The following TBXAS1 variants were observed in gnomAD, a reference collection of about 807,000 sequenced individuals.
The protein encoded by TBXAS1 is thromboxane A synthase 1.
A neutral mutation model predicts 60.7 loss-of-function variants in TBXAS1; 48 were observed. That is an observed-to-expected ratio of 0.79 (90% CI 0.63 to 1.01). TBXAS1 has a LOEUF of 1.01. Ranked by LOEUF, TBXAS1 falls within the 50% of genes least tolerant of loss-of-function variation. The probability of loss-of-function intolerance (pLI) is 0.00; values close to 1 mark genes in which losing one functional copy is unlikely to be tolerated. For synonymous variants in TBXAS1, 287 were observed against 269.7 expected (o/e 1.06, Z -0.63); for missense variants, 685 against 686.3 (o/e 1.00, Z 0.02).
chr7:139,882,928 T>G (rs1184890335), intron 3 of TBXAS1, among the ~76,000 whole-genome samples: 1 of 152,224 alleles, frequency 6.6e-6, no homozygotes, highest in Non-Finnish European at 1.5e-5. Flanking sequence ...AGCTTAATCA[T>G]GAACACTAAG....
At chr7:139,784,011 G>GTTTTTTT (rs11340240) in intron 3 of TBXAS1, among the ~76,000 whole-genome samples, 1 of 132,068 alleles carries the variant, frequency 7.6e-6, no homozygotes. Flanking sequence ...AGTTTTTTTT[G>GTTTTTTT]TTTTTTTTTT....
At chr7:139,844,700 T>C (rs1030446363) in intron 1 of TBXAS1, among the ~76,000 whole-genome samples, 8 of 151,800 alleles carry the variant, frequency 5.3e-5, no homozygotes, top group African/African-American at 9.7e-5. Flanking sequence ...GAAGAGGGAG[T>C]GTAGTCAGTT....
intron 4 of TBXAS1, among the ~76,000 whole-genome samples, chr7:139,919,463 G>T (rs1481339620): frequency 6.6e-6 from 1 of 152,162 alleles, no homozygotes. Context: ...GCCTTGTGTG[G>T]CTGTTTCAGA....
At chr7:139,870,055 C>A (rs1025787455) in intron 1 of TBXAS1, among the ~76,000 whole-genome samples, 5 of 152,174 alleles carry the variant, frequency 3.3e-5, no homozygotes, top group African/African-American at 1.2e-4. Context: ...GCTGAAGATG[C>A]TCAAGTTCCA....
At chr7:139,809,349 TAGATAGATAGATAGATAGAC>T (rs1401689305) in intron 4 of TBXAS1, among the ~76,000 whole-genome samples, 11 of 151,546 alleles carry the variant, frequency 7.3e-5, no homozygotes, top group African/African-American at 2.7e-4. Context: ...GATAGATAGA[TAGATAGATAGATAGATAGAC>T]AGACAGAACC....
At position 139,955,850 on chromosome 7, in the gene TBXAS1, C is replaced by T. The variant is rs538632302; in HGVS notation, c.688+243C>T. Among the ~76,000 whole-genome samples the T allele has an allele frequency of 2.2e-4, 33 of 152,234 alleles. 1 individual carries two copies. Among genetic ancestry groups the T allele is most frequent in the Non-Finnish European group, 8.8e-5 (6 of 68,034 alleles). On this transcript the variant is annotated intron_variant, in intron 7 of 12. Transcript: ENST00000448866. The stretch of plus-strand genomic sequence containing the variant: ...AGTGGCCCCACCGCCATGGTGAGAA[C>T]GGTTGGGACGCACCGTGTTAGGCAC...
intron 10 of TBXAS1, among the ~76,000 whole-genome samples, chr7:140,007,500 C>T (rs1369056798): frequency 1.3e-5 from 2 of 152,132 alleles, no homozygotes; most frequent in Non-Finnish European, 2.9e-5. Context: ...TTCATTCATT[C>T]GTTCATTCAT....
chr7:139,843,781 C>T (rs995723947), intron 1 of TBXAS1, among the ~76,000 whole-genome samples: 2 of 152,136 alleles, frequency 1.3e-5, no homozygotes, highest in African/African-American at 2.4e-5. Context: ...CATGATTATG[C>T]CTCTGGTAAC....
chr7:139,938,007 T>G (rs1285612149), intron 5 of TBXAS1, among the ~76,000 whole-genome samples: 1 of 152,144 alleles, frequency 6.6e-6, no homozygotes, highest in African/African-American at 2.4e-5. Context: ...AAAGAGGTTT[T>G]AGGCAAAGGA....
intron 1 of TBXAS1, among the ~76,000 whole-genome samples, chr7:139,856,648 T>C (rs1193497450): frequency 6.6e-6 from 1 of 152,172 alleles, no homozygotes; most frequent in Non-Finnish European, 1.5e-5. Flanking sequence ...GCATGCGCAA[T>C]TGAGCGTCAT....
intron 6 of TBXAS1, among the ~76,000 whole-genome samples, chr7:139,954,541 TAA>T (rs1338765807): frequency 6.6e-6 from 1 of 152,240 alleles, no homozygotes; most frequent in Non-Finnish European, 1.5e-5. Flanking sequence ...TCCTTAATGA[TAA>T]GTTAGTGGTT....
intron 1 of TBXAS1, among the ~76,000 whole-genome samples, chr7:139,780,159 C>T (rs78105400): frequency 9.3e-4 from 142 of 152,324 alleles, no homozygotes; most frequent in African/African-American, 3.3e-3. Context: ...TCTCCTTTTG[C>T]ATCTGTAAAT....
chr7:139,911,387 C>A (rs1306157948), intron 4 of TBXAS1, 66 bp downstream of exon 4: 3 of 1,378,088 alleles, frequency 2.2e-6, no homozygotes, highest in Non-Finnish European at 2.1e-6. Context: ...CACTGCATGT[C>A]AGATCCAATG....
chr7:139,928,124 GT>G (rs1280261136), intron 4 of TBXAS1, among the ~76,000 whole-genome samples: 8 of 152,142 alleles, frequency 5.3e-5, no homozygotes, highest in African/African-American at 1.9e-4. Context: ...AACTGCAGGT[GT>G]TTTTGTAAAT....
intron 9 of TBXAS1, among the ~76,000 whole-genome samples, chr7:139,976,029 T>G (rs1003344220): frequency 1.3e-5 from 2 of 152,242 alleles, no homozygotes; most frequent in Non-Finnish European, 2.9e-5. Flanking sequence ...ATTCCAGGCT[T>G]TCTCTTTGGG....
At chr7:139,948,656 T>C (rs1808946463) in intron 5 of TBXAS1, among the ~76,000 whole-genome samples, 1 of 152,228 alleles carries the variant, frequency 6.6e-6, no homozygotes, top group East Asian at 1.9e-4. Flanking sequence ...ACCGAATGCA[T>C]CTTTTAGTAA....
intron 1 of TBXAS1, among the ~76,000 whole-genome samples, chr7:139,842,714 C>T (rs1799535914): frequency 6.6e-6 from 1 of 152,194 alleles, no homozygotes; most frequent in African/African-American, 2.4e-5. Flanking sequence ...CTGGAGCCCT[C>T]GACTCTCTCT....
In TBXAS1 at chr7:139,911,281, AG is replaced by A; in HGVS notation, c.295del (p.Val99CysfsTer22). The A allele has an allele frequency of 6.2e-7, 1 of 1,614,194 alleles. No homozygotes were observed. The highest frequency in any genetic ancestry group is 8.5e-7 in the Non-Finnish European group (1 of 1,180,036). ...IVISEPDMIK[Q>X]VLVENFSNFT... is the part of the protein sequence containing the mutation. ...ATTTCTGAGCCAGACATGATCAAGCAGGTGTTGGTTGAGAACTTCAGTAACT... is the reference window on the plus strand; with the variant it reads ...ATTTCTGAGCCAGACATGATCAAGCAGTGTTGGTTGAGAACTTCAGTAACT... On this transcript the variant is annotated frameshift_variant, in exon 4 of 13. Coordinates refer to ENST00000448866, the MANE Select transcript of TBXAS1 (RefSeq NM_001061.7). LOFTEE classifies it high-confidence loss of function.
intron 1 of TBXAS1, among the ~76,000 whole-genome samples, chr7:139,851,867 C>G (rs574143873): frequency 1.1e-4 from 17 of 152,312 alleles, no homozygotes; most frequent in Admixed American, 7.2e-4. Flanking sequence ...GCTCCCTCCC[C>G]CATTGTACCA....
Sources: allele counts gnomAD v4.1 joint callset (sites outside exome capture counted in the v4.1 genomes callset), GRCh38; gene constraint gnomAD v4.1.1; transcripts MANE v1.5; gene names NCBI Gene and HGNC (gene_info 2026-07-23, HGNC 2026-07-21).